The following ZNF346 variants were observed in gnomAD, a reference collection of about 807,000 sequenced individuals.
ZNF346 encodes the protein double-stranded RNA-binding zinc finger protein JAZ.
ZNF346 carries 23 observed loss-of-function variants against 33.7 expected under a neutral mutation model. That is an observed-to-expected ratio of 0.68 (90% CI 0.49 to 0.97). The LOEUF is 0.97. Among genes scored for constraint, ZNF346 ranks in the 50% least tolerant of loss-of-function variants. The probability of loss-of-function intolerance (pLI) is 0.00; values close to 1 mark genes in which losing one functional copy is unlikely to be tolerated. For synonymous variants in ZNF346, 134 were observed against 142.4 expected (o/e 0.94, Z 0.42); for missense variants, 340 against 371.1 (o/e 0.92, Z 0.69).
chr5:177,080,793 G>A (rs755067761), exon 9 of ZNF346: 1 of 152,102 alleles, frequency 6.6e-6, no homozygotes, highest in Non-Finnish European at 1.5e-5. Context: ...GAGCGACAGA[G>A]TAAGACTCTG....
chr5:177,033,174 C>G (rs1265411747), intron 1 of ZNF346, among the ~76,000 whole-genome samples: 2 of 152,190 alleles, frequency 1.3e-5, no homozygotes, highest in Admixed American at 6.5e-5. Flanking sequence ...CTGCTAGACT[C>G]AAGTGATTTC....
Position 177,064,641 on chromosome 5 carries a change from C to A in ZNF346, c.*42C>A, listed in dbSNP as rs1782976825. On this transcript the variant is annotated 3_prime_UTR_variant, in exon 7 of 7. Coordinates refer to ENST00000358149, the MANE Select transcript of ZNF346 (RefSeq NM_012279.4). ...CATCCCATATTGGGCCAGCCATGAGCCAGCTTCCCGTGACTGCTCAGCCCT... is the reference window on the plus strand; with the variant it reads ...CATCCCATATTGGGCCAGCCATGAGACAGCTTCCCGTGACTGCTCAGCCCT... 1 of 1,530,136 alleles carries A rather than the reference C, an allele frequency of 6.5e-7. No individual in the cohort carries two copies. The highest frequency in any genetic ancestry group is 9.1e-7 in the Non-Finnish European group (1 of 1,103,248). 94.8% of individuals were successfully genotyped at this position (1,530,136 alleles called of 1,614,324 possible). A position where few individuals can be genotyped will look rare whatever the true frequency, so the allele number is the denominator to read the frequency against.
At chr5:177,070,520 A>G (rs984433524), downstream of ZNF346, among the ~76,000 whole-genome samples, 2 of 152,070 alleles carry the variant, frequency 1.3e-5, no homozygotes, top group Admixed American at 1.3e-4. Flanking sequence ...TAAGGTTCAG[A>G]TCCCAGCTCT....
intron 4 of ZNF346, among the ~76,000 whole-genome samples, chr5:177,049,065 C>T (rs1425550038): frequency 6.6e-6 from 1 of 152,096 alleles, no homozygotes; most frequent in East Asian, 1.9e-4. Context: ...GGATTACAGG[C>T]ACAAGCCATT....
Position 177,050,602 on chromosome 5 carries a change from G to A in ZNF346, c.518-149G>A, listed in dbSNP as rs1485691753. ...TCACACAGGCAGTGCCACATCTGCAGTAGGATTAACTGGTGTCACAGCCCT... is the reference window on the plus strand; with the variant it reads ...TCACACAGGCAGTGCCACATCTGCAATAGGATTAACTGGTGTCACAGCCCT... On this transcript the variant is annotated intron_variant, in intron 4 of 6. Coordinates refer to ENST00000358149, the MANE Select transcript of ZNF346 (RefSeq NM_012279.4). 7.9e-6 allele frequency: 6 copies of A among 755,790 alleles called. No individual in the cohort carries two copies. The African/African-American group carries it at 8.7e-5, about 11-fold the overall frequency. 46.8% of individuals were successfully genotyped at this position (755,790 alleles called of 1,614,324 possible). A position where few individuals can be genotyped will look rare whatever the true frequency, so the allele number is the denominator to read the frequency against.
intron 3 of ZNF346, among the ~76,000 whole-genome samples, chr5:177,043,280 T>C (rs1779600731): frequency 6.6e-6 from 1 of 152,026 alleles, no homozygotes; most frequent in African/African-American, 2.4e-5. Flanking sequence ...ATTACAGGTA[T>C]GAGCCACCAC....
At chr5:177,074,283 G>A (rs1783640922) in intron 8 of ZNF346, among the ~76,000 whole-genome samples, 1 of 152,190 alleles carries the variant, frequency 6.6e-6, no homozygotes, top group Admixed American at 6.5e-5. Context: ...CCCACCCTCA[G>A]CTTATGTAGT....
chr5:177,053,631 G>GA (rs1316693504), intron 5 of ZNF346, among the ~76,000 whole-genome samples: 3 of 152,026 alleles, frequency 2.0e-5, no homozygotes, highest in Non-Finnish European at 2.9e-5. Context: ...TTAAGAGAGG[G>GA]AAAAAAATAT....
chr5:177,029,127 A>G (rs1455316698), intron 1 of ZNF346, among the ~76,000 whole-genome samples: 1 of 152,182 alleles, frequency 6.6e-6, no homozygotes, highest in Admixed American at 6.5e-5. Flanking sequence ...GGAACCAACC[A>G]TGTGCTCAGA....
chr5:177,031,998 CTTTTTTTTTTTTTTTTTT>C (rs34021834), intron 1 of ZNF346, among the ~76,000 whole-genome samples: 1 of 67,838 alleles, frequency 1.5e-5, no homozygotes, highest in African/African-American at 4.5e-5. Flanking sequence ...TTTCTTTTTT[CTTTTTTTTTTTTTTTTTT>C]TTTTTTTTGA....
At chr5:177,076,338 A>T (rs1333523410) in intron 8 of ZNF346, among the ~76,000 whole-genome samples, 1 of 152,190 alleles carries the variant, frequency 6.6e-6, no homozygotes, top group Non-Finnish European at 1.5e-5. Context: ...TGGTTGGCCA[A>T]ATTTTAGTCA....
At position 177,025,555 on chromosome 5, in the gene ZNF346, A is replaced by T. The variant is rs1331519189; in HGVS notation, c.175+2642A>T. On this transcript the variant is annotated intron_variant, in intron 1 of 6. Transcript: ENST00000358149. ...TTTCGCTTTTTCTATAACCTTGACA[A>T]CACTTGTCTTTTTTGATTATAGGCA... Among the ~76,000 whole-genome samples the T allele has an allele frequency of 2.6e-5, 4 of 152,246 alleles. No homozygotes were observed. The South Asian group carries it at 6.2e-4, about 24-fold the overall frequency.
At chr5:177,054,267 C>T (rs1387975390) in intron 5 of ZNF346, among the ~76,000 whole-genome samples, 1 of 152,000 alleles carries the variant, frequency 6.6e-6, no homozygotes, top group African/African-American at 2.4e-5. Flanking sequence ...GCTAGAGTCT[C>T]GCCACGTTGC....
In ZNF346 at chr5:177,022,776, A is replaced by AC; in HGVS notation, c.39dup (p.Gly14ArgfsTer24). ...GCGCCGGCCACGGTGCAGGCCGCGG[A>AC]CGGCGGAGCGGCCGGGCCTTACAGC... On this transcript the variant is annotated frameshift_variant, in exon 1 of 7. Transcript: ENST00000358149. LOFTEE classifies it high-confidence loss of function. 1.3e-6 allele frequency: 2 copies of AC among 1,554,326 alleles called. No homozygotes were observed. Among genetic ancestry groups the AC allele is most frequent in the African/African-American group, 2.8e-5 (2 of 72,680 alleles).
intron 1 of ZNF346, among the ~76,000 whole-genome samples, chr5:177,038,025 T>G (rs2149615632): frequency 6.6e-6 from 1 of 152,094 alleles, no homozygotes; most frequent in South Asian, 2.1e-4. Context: ...TAATACTGTT[T>G]CAGGTTGGAA....
chr5:177,041,730 A>G, intron 2 of ZNF346, 48 bp from the exon 3 acceptor site: 1 of 1,213,752 alleles, frequency 8.2e-7, no homozygotes, highest in Non-Finnish European at 1.2e-6. Context: ...TGCCTTAAGT[A>G]TGAAGTAGCA....
At chr5:177,059,939 C>T (rs1051652815) in intron 5 of ZNF346, among the ~76,000 whole-genome samples, 1 of 152,128 alleles carries the variant, frequency 6.6e-6, no homozygotes, top group Non-Finnish European at 1.5e-5. Flanking sequence ...AGACTGTGGG[C>T]ACATAAAATG....
chr5:177,038,876 T>TGTGTGTGTGTG (rs1554145941), intron 1 of ZNF346, among the ~76,000 whole-genome samples: 14 of 135,358 alleles, frequency 1.0e-4, no homozygotes, highest in African/African-American at 3.7e-4. Flanking sequence ...CTTCTTCTTC[T>TGTGTGTGTGTG]TGTGTGTGTG....
chr5:177,024,200 C>CTTTTTTTTTT (rs781744965), intron 1 of ZNF346, among the ~76,000 whole-genome samples: 3 of 86,900 alleles, frequency 3.5e-5, no homozygotes, highest in African/African-American at 4.7e-5. Flanking sequence ...GCCCTCTCTC[C>CTTTTTTTTTT]TTTTTTTTTT....
Sources: gnomAD v4.1 joint callset for allele counts (sites outside exome capture counted in the v4.1 genomes callset) on GRCh38, gnomAD v4.1.1 for gene constraint, MANE v1.5 for transcripts, NCBI Gene and HGNC (gene_info 2026-07-23, HGNC 2026-07-21) for gene names.